Variants in RGS6 observed in about 807,000 individuals in gnomAD.
The protein encoded by RGS6 is regulator of G protein signaling 6.
Under a neutral mutation model 78.5 loss-of-function variants are expected in RGS6, and 30 were observed. The observed-to-expected ratio is 0.38, with a 90% CI of 0.29 to 0.52. The LOEUF (loss-of-function observed/expected upper bound fraction) is 0.52. RGS6 is among the 20% of genes least tolerant of loss of function. The pLI, the probability that RGS6 is intolerant of heterozygous loss-of-function variation, is 0.85. For synonymous variants in RGS6, 206 were observed against 206.0 expected, an observed-to-expected ratio of 1.00 and a Z score of 0.00; for missense variants, 495 against 609.7, an observed-to-expected ratio of 0.81 and a Z score of 1.98.
chr14:72,319,008 A>G (rs191792202), intron 2 of RGS6, among the ~76,000 whole-genome samples: 2 of 152,372 alleles, frequency 1.3e-5, no homozygotes, highest in East Asian at 1.9e-4. Flanking sequence ...CTCCTATCCC[A>G]CAAAACTGTC....
chr14:72,030,195 A>T (rs1352382693), intron 2 of RGS6, among the ~76,000 whole-genome samples: 1 of 152,224 alleles, frequency 6.6e-6, no homozygotes, highest in East Asian at 1.9e-4. Flanking sequence ...AGATGTGCCA[A>T]ACAATAGCAA....
intron 2 of RGS6, among the ~76,000 whole-genome samples, chr14:72,290,997 C>T (rs151145212): frequency 6.0e-4 from 91 of 152,132 alleles, no homozygotes; most frequent in Non-Finnish European, 1.2e-3. Context: ...CTTCTGCTCC[C>T]GCCAGATGAT....
intron 3 of RGS6, among the ~76,000 whole-genome samples, chr14:72,359,745 C>T (rs142121500): frequency 3.3e-5 from 5 of 152,268 alleles, no homozygotes; most frequent in African/African-American, 1.2e-4. Flanking sequence ...TTCTTGGACA[C>T]CAATTTTTCT....
chr14:72,536,148 AGCC>A, intron 15 of RGS6, 35 bp from the exon 16 acceptor site: 1 of 1,457,154 alleles, frequency 6.9e-7, no homozygotes, highest in Non-Finnish European at 9.6e-7. Context: ...ACTGGTTGAC[AGCC>A]CTTCCTTGTG....
intron 2 of RGS6, among the ~76,000 whole-genome samples, chr14:72,090,125 A>AT (rs919656669): frequency 2.7e-5 from 4 of 150,212 alleles, no homozygotes; most frequent in Non-Finnish European, 5.9e-5. Context: ...AAAAAAAAAA[A>AT]AAAATAAAGC....
chr14:72,166,584 A>T (rs2096931355), intron 2 of RGS6, among the ~76,000 whole-genome samples: 2 of 152,198 alleles, frequency 1.3e-5, no homozygotes, highest in South Asian at 4.1e-4. Flanking sequence ...TGTCTGTGTT[A>T]GACTTTAGAA....
chr14:72,287,855 G>C (rs2062866120), intron 2 of RGS6, among the ~76,000 whole-genome samples: 1 of 152,188 alleles, frequency 6.6e-6, no homozygotes, highest in Admixed American at 6.5e-5. Flanking sequence ...TGAGATGATT[G>C]TGTGATTTTT....
intron 2 of RGS6, among the ~76,000 whole-genome samples, chr14:72,201,168 C>T (rs2041488403): frequency 6.6e-6 from 1 of 152,044 alleles, no homozygotes; most frequent in African/African-American, 2.4e-5. Context: ...TGTATATGGT[C>T]CTGCTTTTTT....
intron 2 of RGS6, among the ~76,000 whole-genome samples, chr14:72,178,549 G>C (rs2097135006): frequency 6.6e-6 from 1 of 152,220 alleles, no homozygotes. Context: ...TTATACTTGT[G>C]ATGAAGTCAG....
intron 2 of RGS6, among the ~76,000 whole-genome samples, chr14:72,266,121 T>C (rs2059031491): frequency 1.3e-5 from 2 of 152,224 alleles, no homozygotes; most frequent in Admixed American, 1.3e-4. Context: ...GAAATTCTTT[T>C]GCTCCTCGCT....
At chr14:72,019,501 C>G (rs1198285904) in intron 2 of RGS6, among the ~76,000 whole-genome samples, 1 of 152,212 alleles carries the variant, frequency 6.6e-6, no homozygotes, top group Admixed American at 6.5e-5. Context: ...ACCATTAGCA[C>G]TTCCTTCTGA....
chr14:72,327,960 G>A (rs538349214), intron 2 of RGS6, among the ~76,000 whole-genome samples: 10 of 152,208 alleles, frequency 6.6e-5, no homozygotes, highest in East Asian at 3.9e-4. Context: ...ATTTGTTCAC[G>A]TGTTTGTAGA....
intron 3 of RGS6, among the ~76,000 whole-genome samples, chr14:72,352,655 C>T (rs2079346144): frequency 6.6e-6 from 1 of 152,108 alleles, no homozygotes; most frequent in African/African-American, 2.4e-5. Context: ...GCTTTGTGTG[C>T]TCATCTTTCT....
chr14:71,870,840 G>A, the RGS6 span, among the ~76,000 whole-genome samples: 1 of 152,198 alleles, frequency 6.6e-6, no homozygotes, highest in Non-Finnish European at 1.5e-5. Context: ...ACCCAGCTGA[G>A]GACTCACTTG....
intron 3 of RGS6, among the ~76,000 whole-genome samples, chr14:72,376,299 GCAAA>G (rs1242993813): frequency 6.6e-6 from 1 of 152,046 alleles, no homozygotes; most frequent in African/African-American, 2.4e-5. Flanking sequence ...AATAATACAG[GCAAA>G]CAAATAGATG....
intron 2 of RGS6, among the ~76,000 whole-genome samples, chr14:72,309,306 A>C (rs571150120): frequency 1.2e-4 from 18 of 152,388 alleles, no homozygotes; most frequent in African/African-American, 4.1e-4. Flanking sequence ...AAGTAGGAAG[A>C]AAGTGTATCC....
At chr14:71,868,259 G>A in the RGS6 span, among the ~76,000 whole-genome samples, 1 of 152,134 alleles carries the variant, frequency 6.6e-6, no homozygotes, top group Admixed American at 6.5e-5. Context: ...TTGAAATTGA[G>A]AGGTGCCTAT....
intron 3 of RGS6, among the ~76,000 whole-genome samples, chr14:72,388,947 C>A (rs1318998184): frequency 6.7e-6 from 1 of 149,134 alleles, no homozygotes; most frequent in African/African-American, 2.6e-5. Context: ...TAAGTGATTC[C>A]CATTATTAGT....
chr14:71,894,073 C>G, the RGS6 span, among the ~76,000 whole-genome samples: 5 of 151,992 alleles, frequency 3.3e-5, no homozygotes, highest in Non-Finnish European at 5.9e-5. Flanking sequence ...AATTTTGTTT[C>G]TTTAATTTTA....
Sources: allele counts gnomAD v4.1 joint callset (sites outside exome capture counted in the v4.1 genomes callset), GRCh38; gene constraint gnomAD v4.1.1; transcripts MANE v1.5; gene names NCBI Gene and HGNC (gene_info 2026-07-23, HGNC 2026-07-21).